Variants in CHRM3 observed in about 807,000 individuals in gnomAD.
The protein encoded by CHRM3 is cholinergic receptor muscarinic 3.
Under a neutral mutation model 41.8 loss-of-function variants are expected in CHRM3, and 11 were observed. The observed-to-expected ratio is 0.26, with a 90% confidence interval of 0.17 to 0.44. CHRM3 has a LOEUF of 0.44. Ranked by LOEUF, CHRM3 falls within the 20% of genes least tolerant of loss-of-function variation. The probability of loss-of-function intolerance (pLI) is 1.00; values close to 1 mark genes in which losing one functional copy is unlikely to be tolerated. For missense variants in CHRM3, 571 were observed against 745.4 expected (o/e 0.77, Z 2.72); for synonymous variants, 297 against 301.4 (o/e 0.99, Z 0.15).
At chr1:239,465,291 T>G (rs751558738) in intron 1 of CHRM3, among the ~76,000 whole-genome samples, 1 of 152,146 alleles carries the variant, frequency 6.6e-6, no homozygotes, top group Non-Finnish European at 1.5e-5. Context: ...GCTTATGAGA[T>G]AGCAAAGAAA....
chr1:239,627,683 T>C (rs1450090733), intron 3 of CHRM3, among the ~76,000 whole-genome samples: 1 of 140,754 alleles, frequency 7.1e-6, no homozygotes. Context: ...CAGGAGCTCT[T>C]TTAGGGCAGG....
rs1491158145 is a variant in CHRM3, at chr1:239,910,303, CAA to C, written c.*1080_*1081del. The C allele has an allele frequency of 2.7e-5, 4 of 145,926 alleles. No individual in the cohort carries two copies. The highest frequency in any genetic ancestry group is 8.6e-5 in the African/African-American group (3 of 34,874). 9.0% of individuals were successfully genotyped at this position (145,926 alleles called of 1,614,324 possible). A position where few individuals can be genotyped will look rare whatever the true frequency, so the allele number is the denominator to read the frequency against. The stretch of plus-strand genomic sequence containing the variant: ...TGTCACGTTTGAATGTCATACACAG[CAA>C]TATATATATATGTGTATATATATAT... On this transcript the variant is annotated 3_prime_UTR_variant, in exon 7 of 7. Transcript: ENST00000676153.
intron 4 of CHRM3, among the ~76,000 whole-genome samples, chr1:239,651,483 C>T (rs16832154): frequency 0.11 from 17,384 of 152,166 alleles, 1,565 homozygotes; most frequent in African/African-American, 0.26. Context: ...ACAGAGAATG[C>T]TGGTGGGGTG....
intron 5 of CHRM3, among the ~76,000 whole-genome samples, chr1:239,772,297 T>G (rs1452333657): frequency 6.6e-6 from 1 of 152,004 alleles, no homozygotes. Context: ...ATCACAGGCA[T>G]GCACCGCCAC....
intron 6 of CHRM3, among the ~76,000 whole-genome samples, chr1:239,888,387 G>C (rs989767364): frequency 1.3e-5 from 2 of 150,376 alleles, no homozygotes; most frequent in African/African-American, 4.9e-5. Context: ...AAGGAAAAAA[G>C]AAAAAAGAAG....
At chr1:239,899,672 T>C (rs1282215122) in intron 6 of CHRM3, 9 of 152,016 alleles carry the variant, frequency 5.9e-5, no homozygotes, top group Admixed American at 5.9e-4. Flanking sequence ...ATATACACGA[T>C]ATAAGTACAC....
intron 6 of CHRM3, among the ~76,000 whole-genome samples, chr1:239,902,944 C>A (rs922949560): frequency 1.3e-4 from 20 of 152,096 alleles, no homozygotes; most frequent in Admixed American, 5.2e-4. Flanking sequence ...TAAGGAAAAG[C>A]ACATCTCTGA....
rs146816202 is a variant in CHRM3, at chr1:239,780,368, C to T, written c.-146-46884C>T. On this transcript the variant is annotated intron_variant, in intron 5 of 6. Transcript: ENST00000676153. ...TCCTGTTGTTTTACTTTGCATTTCT[C>T]TAAGAAAATATGTTGAGCATGTTTT... is the stretch of plus-strand genomic sequence containing the variant. Among the ~76,000 whole-genome samples, 445 of 152,282 alleles carry T rather than the reference C, an allele frequency of 2.9e-3. 2 individuals carry two copies. The highest frequency in any genetic ancestry group is 9.8e-3 in the African/African-American group (409 of 41,556).
chr1:239,808,744 C>T (rs930859101), intron 5 of CHRM3, among the ~76,000 whole-genome samples: 1 of 152,096 alleles, frequency 6.6e-6, no homozygotes, highest in African/African-American at 2.4e-5. Context: ...AAAGAACTGC[C>T]CCAATACTTG....
chr1:239,909,986 G>A lies in CHRM3; in HGVS notation c.*762G>A, dbSNP rs1000612659. 2 of 167,000 alleles carry A rather than the reference G, an allele frequency of 1.2e-5. No homozygotes were observed. The highest frequency in any genetic ancestry group is 2.4e-5 in the African/African-American group (1 of 41,432). The allele number at this position is 167,000 out of a possible 1,614,324, so 10.3% of individuals were successfully genotyped here. A position where few individuals can be genotyped will look rare whatever the true frequency, so the allele number is the denominator to read the frequency against. The stretch of plus-strand genomic sequence containing the variant: ...TAGGATCCTAATGCAACATTAACGT[G>A]AAATAAGCCCAGTGTAATGTTTTTG... On this transcript the variant is annotated 3_prime_UTR_variant, in exon 7 of 7. Transcript: ENST00000676153.
intron 6 of CHRM3, among the ~76,000 whole-genome samples, chr1:239,891,992 G>C (rs190826645): frequency 2.0e-5 from 3 of 152,292 alleles, no homozygotes; most frequent in Non-Finnish European, 2.9e-5. Context: ...TCACCCTAGG[G>C]TCCCTTTGAC....
chr1:239,714,256 G>T (rs1662114051), intron 5 of CHRM3: 1 of 152,170 alleles, frequency 6.6e-6, no homozygotes, highest in African/African-American at 2.4e-5. Flanking sequence ...CCCTCATGGA[G>T]CTCGTCATCT....
At position 239,670,772 on chromosome 1, in the gene CHRM3, C is replaced by CA. The variant is rs1050787916; in HGVS notation, c.-249-7414_-249-7413insA. The stretch of plus-strand genomic sequence containing the variant: ...CGAACTCCCAACCTCAGGTGATCTA[C>CA]CCCCCCCACCTCAGTTTCCCAAAGT... On this transcript the variant is annotated intron_variant, in intron 4 of 6. Transcript: ENST00000676153. Among the ~76,000 whole-genome samples, 3 of 22,100 alleles carry CA rather than the reference C, an allele frequency of 1.4e-4. No homozygotes were observed. In the East Asian group the frequency reaches 0.017, roughly 128 times the overall value. The allele number at this position is 22,100 out of a possible 152,430, so 14.5% of individuals were successfully genotyped here. A position where few individuals can be genotyped will look rare whatever the true frequency, so the allele number is the denominator to read the frequency against.
intron 2 of CHRM3, among the ~76,000 whole-genome samples, chr1:239,533,095 G>A (rs1373940056): frequency 2.0e-5 from 3 of 151,610 alleles, no homozygotes; most frequent in South Asian, 2.1e-4. Context: ...TTTTTTTTTA[G>A]AACAGAAAAA....
chr1:239,541,846 C>A (rs967221211), intron 2 of CHRM3, among the ~76,000 whole-genome samples: 11 of 152,140 alleles, frequency 7.2e-5, no homozygotes, highest in Admixed American at 6.5e-5. Flanking sequence ...ACCAAGATTG[C>A]CTTTCTGTCA....
intron 3 of CHRM3, among the ~76,000 whole-genome samples, chr1:239,583,795 T>C (rs1051263629): frequency 2.3e-4 from 35 of 152,336 alleles, no homozygotes; most frequent in African/African-American, 8.2e-4. Flanking sequence ...ATTGTCAGAA[T>C]AGTTACTAAT....
chr1:239,453,638 G>A (rs574769262), intron 1 of CHRM3, among the ~76,000 whole-genome samples: 1 of 152,228 alleles, frequency 6.6e-6, no homozygotes, highest in South Asian at 2.1e-4. Flanking sequence ...GATGCACGTA[G>A]GTATATATTA....
intron 5 of CHRM3, among the ~76,000 whole-genome samples, chr1:239,688,834 TAA>T (rs908587000): frequency 2.6e-4 from 36 of 141,064 alleles, no homozygotes; most frequent in Non-Finnish European, 4.3e-4. Context: ...ATATATTATA[TAA>T]TATATATATT....
chr1:239,392,796 G>A (rs1659155621), intron 1 of CHRM3, among the ~76,000 whole-genome samples: 1 of 152,170 alleles, frequency 6.6e-6, no homozygotes, highest in African/African-American at 2.4e-5. Flanking sequence ...AACAGCCTTT[G>A]TCTACATTTT....
Sources: gnomAD v4.1 joint callset for allele counts (sites outside exome capture counted in the v4.1 genomes callset) on GRCh38, gnomAD v4.1.1 for gene constraint, MANE v1.5 for transcripts, NCBI Gene and HGNC (gene_info 2026-07-23, HGNC 2026-07-21) for gene names.